The following MRPL48 variants were observed in gnomAD, a reference collection of about 807,000 sequenced individuals.
The protein encoded by MRPL48 is mitochondrial ribosomal protein L48.
In MRPL48, 16 loss-of-function variants were observed where a neutral mutation model predicts 32.9. The observed-to-expected ratio is 0.49, with a 90% CI of 0.33 to 0.74. The LOEUF (loss-of-function observed/expected upper bound fraction) is 0.74. MRPL48 is among the 30% of genes least tolerant of loss of function. The pLI is 0.02. For synonymous variants in MRPL48, 94 were observed against 89.2 expected (o/e 1.05, Z -0.31); for missense variants, 206 against 245.3 (o/e 0.84, Z 1.07).
chr11:73,818,868 A>G (rs1464335698), intron 3 of MRPL48, among the ~76,000 whole-genome samples: 1 of 152,244 alleles, frequency 6.6e-6, no homozygotes, highest in Non-Finnish European at 1.5e-5. Flanking sequence ...GGAAAGGGGA[A>G]TGCTGTGGGA....
At chr11:73,811,736 A>G (rs903903158) in intron 3 of MRPL48, among the ~76,000 whole-genome samples, 4 of 152,198 alleles carry the variant, frequency 2.6e-5, no homozygotes, top group African/African-American at 7.2e-5. Flanking sequence ...GGTTGGTGCA[A>G]AAGTAAAAAT....
Position 73,812,088 on chromosome 11 carries a change from G to A in MRPL48, c.112+3738G>A, listed in dbSNP as rs9651758. 4.1e-3 allele frequency among the ~76,000 whole-genome samples: 630 copies of A among 152,090 alleles called. 1 individual carries two copies. The highest frequency in any genetic ancestry group is 0.014 in the African/African-American group (594 of 41,482). ...TTTTTAGTAGAGATGGGGTTTCACC[G>A]TGTTAGCCAGGATGGTCTAGATCTC... On this transcript the variant is annotated intron_variant, in intron 3 of 7. Transcript: ENST00000310614.
intron 4 of MRPL48, among the ~76,000 whole-genome samples, chr11:73,828,027 T>C (rs1244560854): frequency 6.6e-6 from 1 of 152,080 alleles, no homozygotes; most frequent in African/African-American, 2.4e-5. Flanking sequence ...TGTAGGTGAA[T>C]TTTTCCGGGA....
At chr11:73,807,639 T>TC (rs1207774615) in intron 2 of MRPL48, among the ~76,000 whole-genome samples, 1 of 145,266 alleles carries the variant, frequency 6.9e-6, no homozygotes, top group East Asian at 2.0e-4. Context: ...ATCTTTTTTT[T>TC]TTTTTTTTTT....
At chr11:73,840,485 C>A (rs1948168823) in intron 4 of MRPL48, among the ~76,000 whole-genome samples, 1 of 152,092 alleles carries the variant, frequency 6.6e-6, no homozygotes, top group South Asian at 2.1e-4. Flanking sequence ...CAGAGTAAGA[C>A]CCTGTTGTTG....
rs183572675 is a variant in MRPL48, at chr11:73,825,657, C to T, written c.113-51C>T. On this transcript the variant is annotated intron_variant, in intron 3 of 7. Transcript: ENST00000310614. ...CAAGACCCTGTCTCTTAAAAAACAA[C>T]GATAATAGCAACAACAAAAAAACAG... 1.3e-4 allele frequency: 185 copies of T among 1,476,618 alleles called. No homozygotes were observed. In the African/African-American group the frequency reaches 2.1e-3, roughly 17 times the overall value. The allele number at this position is 1,476,618 out of a possible 1,614,324, so 91.5% of individuals were successfully genotyped here. A position where few individuals can be genotyped will look rare whatever the true frequency, so the allele number is the denominator to read the frequency against.
At chr11:73,831,348 T>G (rs986274378) in intron 4 of MRPL48, among the ~76,000 whole-genome samples, 1 of 152,112 alleles carries the variant, frequency 6.6e-6, no homozygotes, top group African/African-American at 2.4e-5. Flanking sequence ...CTCAGTGATT[T>G]CCCTTTTTGC....
intron 4 of MRPL48, among the ~76,000 whole-genome samples, chr11:73,827,252 C>T (rs1306995326): frequency 2.0e-5 from 3 of 151,852 alleles, no homozygotes; most frequent in African/African-American, 4.8e-5. Flanking sequence ...GGTATGGTGG[C>T]GCGTGCCTGT....
At chr11:73,829,479 C>A (rs1221091547) in intron 4 of MRPL48, among the ~76,000 whole-genome samples, 1 of 151,460 alleles carries the variant, frequency 6.6e-6, no homozygotes, top group African/African-American at 2.4e-5. Context: ...GATCCTTCTG[C>A]CTCAGCTTCT....
intron 5 of MRPL48, among the ~76,000 whole-genome samples, chr11:73,849,320 AGACATGGGGTTTT>A (rs1948349280): frequency 6.7e-6 from 1 of 148,204 alleles, no homozygotes; most frequent in Non-Finnish European, 1.5e-5. Flanking sequence ...TATTTTTAGC[AGACATGGGGTTTT>A]GCCATGTTGG....
In MRPL48 at chr11:73,787,891, A is replaced by C. The variant is rs1947066958; in HGVS notation, c.-81A>C. 2 of 1,545,718 alleles carry C rather than the reference A, an allele frequency of 1.3e-6. No homozygotes were observed. The highest frequency in any genetic ancestry group is 2.0e-4 in the Middle Eastern group (1 of 5,038). On this transcript the variant is annotated 5_prime_UTR_variant, in exon 1 of 8. Coordinates refer to ENST00000310614, the MANE Select transcript of MRPL48 (RefSeq NM_016055.6). ...TGCACCTGGTCAAGGCCGTTCCTTC[A>C]GTGTTTTCAGACGCCCTGGGAACGC...
At chr11:73,836,682 G>A (rs1417818462) in intron 4 of MRPL48, among the ~76,000 whole-genome samples, 5 of 152,298 alleles carry the variant, frequency 3.3e-5, no homozygotes, top group Admixed American at 2.6e-4. Flanking sequence ...ATGTGCCCAC[G>A]TGGCTAGAAG....
chr11:73,861,495 G>T (rs1224593476), intron 6 of MRPL48, among the ~76,000 whole-genome samples: 1 of 152,100 alleles, frequency 6.6e-6, no homozygotes, highest in African/African-American at 2.4e-5. Flanking sequence ...TCAGCCTCCT[G>T]AGTAGCTGGG....
In MRPL48 at chr11:73,844,917, G is replaced by A; in HGVS notation, c.312G>A (p.Glu104=). 6.2e-7 allele frequency: 1 copy of A among 1,613,758 alleles called. No homozygotes were observed. Among genetic ancestry groups the A allele is most frequent in the Non-Finnish European group, 8.5e-7 (1 of 1,179,802 alleles). Residue 104 remains glutamate, a synonymous_variant, in exon 5 of 8, where the codon GAG becomes GAA. Transcript: ENST00000310614. ...CTGCATATGATATGACCCTGGCAGA[G>A]AGTTATGCCCAGTATGTTCACAACC... is the stretch of plus-strand genomic sequence containing the variant. ...HLTAYDMTLA[E]SYAQYVHNLC...
intron 5 of MRPL48, among the ~76,000 whole-genome samples, chr11:73,846,021 CTG>C (rs1948280260): frequency 7.4e-6 from 1 of 135,554 alleles, no homozygotes; most frequent in East Asian, 2.3e-4. Flanking sequence ...TGAGCTGAGA[CTG>C]TGCCACTGCA....
intron 4 of MRPL48, among the ~76,000 whole-genome samples, chr11:73,831,331 C>T (rs953536339): frequency 6.6e-6 from 1 of 152,132 alleles, no homozygotes; most frequent in Non-Finnish European, 1.5e-5. Flanking sequence ...ATGTACCTGA[C>T]CTCCTTCTCA....
chr11:73,857,420 C>T (rs1948501642), intron 5 of MRPL48, among the ~76,000 whole-genome samples: 1 of 151,720 alleles, frequency 6.6e-6, no homozygotes, highest in Non-Finnish European at 1.5e-5. Context: ...GCGTGAGCCA[C>T]TGCGCCCGAC....
intron 4 of MRPL48, among the ~76,000 whole-genome samples, chr11:73,831,867 G>A (rs141821830): frequency 0.02 from 3,014 of 147,518 alleles, 106 homozygotes; most frequent in African/African-American, 0.07. Context: ...TTGAGCCGGG[G>A]AGGTGGAGGT....
At chr11:73,815,845 T>G (rs1453187294) in intron 3 of MRPL48, among the ~76,000 whole-genome samples, 1 of 149,982 alleles carries the variant, frequency 6.7e-6, no homozygotes, top group Non-Finnish European at 1.5e-5. Flanking sequence ...CACCTCAGAC[T>G]CCTCAGTAGC....
Sources: gnomAD v4.1 joint callset for allele counts (sites outside exome capture counted in the v4.1 genomes callset) on GRCh38, gnomAD v4.1.1 for gene constraint, MANE v1.5 for transcripts, NCBI Gene and HGNC (gene_info 2026-07-23, HGNC 2026-07-21) for gene names.